The following DCLK2 variants were observed in gnomAD, a reference collection of about 807,000 sequenced individuals.
DCLK2 encodes doublecortin like kinase 2, also known as serine/threonine-protein kinase DCLK2.
A neutral mutation model predicts 78.4 loss-of-function variants in DCLK2; 31 were observed. The observed-to-expected ratio is 0.40, with a 90% confidence interval of 0.30 to 0.53. The LOEUF is 0.53. DCLK2 is among the 20% of genes least tolerant of loss of function. DCLK2 has a pLI of 0.61. For missense variants in DCLK2, 872 were observed against 973.7 expected (o/e 0.90, Z 1.39); for synonymous variants, 407 against 374.9 (o/e 1.09, Z -0.99).
At chr4:150,195,380 A>ATATT in intron 3 of DCLK2, among the ~76,000 whole-genome samples, 1 of 2,820 alleles carries the variant, frequency 3.5e-4, no homozygotes, top group African/African-American at 8.5e-4. Context: ...AATATTATAT[A>ATATT]ATATATATAT....
chr4:150,091,990 C>T (rs1374818954), intron 1 of DCLK2, among the ~76,000 whole-genome samples: 1 of 152,120 alleles, frequency 6.6e-6, no homozygotes, highest in Admixed American at 6.6e-5. Context: ...CACCCCCTGG[C>T]AAACACTATT....
intron 3 of DCLK2, among the ~76,000 whole-genome samples, chr4:150,193,843 C>T (rs1157757531): frequency 6.6e-6 from 1 of 151,990 alleles, no homozygotes; most frequent in African/African-American, 2.4e-5. Context: ...GACTGTGCTG[C>T]TGGATTCAAG....
intron 2 of DCLK2, among the ~76,000 whole-genome samples, chr4:150,115,504 A>G (rs1732012806): frequency 3.3e-5 from 5 of 151,338 alleles, no homozygotes; most frequent in Non-Finnish European, 3.0e-5. Flanking sequence ...TCTTGAATTT[A>G]TTTTTGTTTC....
chr4:150,119,706 A>G (rs191513473), intron 2 of DCLK2, among the ~76,000 whole-genome samples: 13 of 152,280 alleles, frequency 8.5e-5, no homozygotes, highest in South Asian at 8.3e-4. Flanking sequence ...TTTATGCCCA[A>G]TGCAAATACA....
At position 150,102,718 on chromosome 4, in the gene DCLK2, C is replaced by T; in HGVS notation, c.662C>T (p.Ala221Val). The change falls in exon 2 of 16, where the codon GCT becomes GTT. Residue 221 changes from alanine to valine, a missense_variant. Coordinates refer to ENST00000296550, the MANE Select transcript of DCLK2 (RefSeq NM_001040260.4). ...AVRILLNKKT[A>V]HSFEQVLTDI... The stretch of plus-strand genomic sequence containing the variant: ...CGGATCCTTCTGAATAAAAAGACTG[C>T]TCATTCCTTTGAACAAGTCTTAACA... 1 of 1,614,136 alleles carries T rather than the reference C, an allele frequency of 6.2e-7. No homozygotes were observed. Among genetic ancestry groups the T allele is most frequent in the Non-Finnish European group, 8.5e-7 (1 of 1,180,014 alleles).
intron 2 of DCLK2, among the ~76,000 whole-genome samples, chr4:150,126,624 G>T (rs556620201): frequency 4.6e-5 from 7 of 152,180 alleles, no homozygotes; most frequent in African/African-American, 1.7e-4. Flanking sequence ...AATATATTTT[G>T]GCTTTTATTT....
intron 2 of DCLK2, among the ~76,000 whole-genome samples, chr4:150,130,299 C>T (rs546515749): frequency 2.6e-5 from 4 of 152,074 alleles, no homozygotes; most frequent in South Asian, 4.2e-4. Flanking sequence ...ACAAAAGGCT[C>T]GTGGATACTA....
At position 150,097,998 on chromosome 4, in the gene DCLK2, A is replaced by G. The variant is rs1361104457; in HGVS notation, c.422-4480A>G. Among the ~76,000 whole-genome samples the G allele has an allele frequency of 2.6e-5, 4 of 152,306 alleles. No individual in the cohort carries two copies. The East Asian group carries it at 7.7e-4, about 29-fold the overall frequency. Reference sequence around the variant, plus strand: ...CAAGTTGGGTTTATTACTTGTTCCAATGAAGAAGAACACACCTTATAAGAT... The same window carrying G: ...CAAGTTGGGTTTATTACTTGTTCCAGTGAAGAAGAACACACCTTATAAGAT... On this transcript the variant is annotated intron_variant, in intron 1 of 15. Transcript: ENST00000296550.
chr4:150,247,122 G>A (rs369589909), intron 12 of DCLK2, among the ~76,000 whole-genome samples: 2 of 152,090 alleles, frequency 1.3e-5, no homozygotes, highest in East Asian at 1.9e-4. Context: ...TGCCATGACA[G>A]CTTGAGGGCA....
At chr4:150,229,631 A>G (rs998037418) in intron 8 of DCLK2, among the ~76,000 whole-genome samples, 6 of 152,090 alleles carry the variant, frequency 3.9e-5, no homozygotes, top group East Asian at 3.9e-4. Context: ...TTTGTCTCCT[A>G]TTATACCCCC....
At chr4:150,255,984 C>G (rs780512253) in intron 15 of DCLK2, 36 bp from the exon 16 acceptor site, 10 of 1,602,886 alleles carry the variant, frequency 6.2e-6, no homozygotes, top group Non-Finnish European at 8.5e-6. Context: ...GAGCCTGGGC[C>G]CGGGTAATGT....
chr4:150,162,332 T>G (rs951441374), intron 2 of DCLK2, among the ~76,000 whole-genome samples: 3 of 152,116 alleles, frequency 2.0e-5, no homozygotes, highest in African/African-American at 7.2e-5. Context: ...GCATCCAGCC[T>G]GATTTATTTT....
chr4:150,166,032 C>T (rs1736042987), intron 2 of DCLK2, among the ~76,000 whole-genome samples: 2 of 152,214 alleles, frequency 1.3e-5, no homozygotes, highest in African/African-American at 4.8e-5. Context: ...GACTTCCCAG[C>T]TTCCAGAACC....
intron 12 of DCLK2, among the ~76,000 whole-genome samples, chr4:150,245,537 G>A (rs1393434280): frequency 6.6e-6 from 1 of 151,988 alleles, no homozygotes; most frequent in Non-Finnish European, 1.5e-5. Flanking sequence ...CCCATGACAG[G>A]CCCCGGTGTG....
intron 2 of DCLK2, among the ~76,000 whole-genome samples, chr4:150,118,457 G>A (rs1732269072): frequency 1.3e-5 from 2 of 151,992 alleles, no homozygotes; most frequent in South Asian, 4.1e-4. Context: ...TAAAATTAGG[G>A]AATATGATGC....
intron 1 of DCLK2, among the ~76,000 whole-genome samples, chr4:150,091,996 C>T (rs1730115946): frequency 6.6e-6 from 1 of 152,118 alleles, no homozygotes; most frequent in African/African-American, 2.4e-5. Flanking sequence ...CTGGCAAACA[C>T]TATTCTAGTC....
chr4:150,184,088 A>G (rs1338779083), intron 2 of DCLK2, among the ~76,000 whole-genome samples: 1 of 152,224 alleles, frequency 6.6e-6, no homozygotes, highest in African/African-American at 2.4e-5. Flanking sequence ...CAAAGCCTAT[A>G]TGCTAGGTGC....
intron 2 of DCLK2, among the ~76,000 whole-genome samples, chr4:150,189,757 A>G (rs545373674): frequency 7.2e-4 from 110 of 152,152 alleles, no homozygotes; most frequent in Admixed American, 1.2e-3. Context: ...CTGAGAACTC[A>G]GTTCCAATAG....
chr4:150,200,595 C>G (rs1446856067), intron 4 of DCLK2, among the ~76,000 whole-genome samples: 1 of 152,162 alleles, frequency 6.6e-6, no homozygotes, highest in Admixed American at 6.5e-5. Context: ...TTACAGATTA[C>G]TTTAGCTATG....
Sources: gnomAD v4.1 joint callset for allele counts (sites outside exome capture counted in the v4.1 genomes callset) on GRCh38, gnomAD v4.1.1 for gene constraint, MANE v1.5 for transcripts, NCBI Gene and HGNC (gene_info 2026-07-23, HGNC 2026-07-21) for gene names.